The following SEPTIN9 variants were observed in gnomAD, a reference collection of about 807,000 sequenced individuals.
The protein encoded by SEPTIN9 is septin 9, also known as septin-9.
SEPTIN9 carries 13 observed loss-of-function variants against 56.6 expected under a neutral mutation model. The ratio of observed to expected loss-of-function variants is 0.23; its 90% confidence interval spans 0.15 to 0.37. The LOEUF (loss-of-function observed/expected upper bound fraction) is 0.37. SEPTIN9 is among the 10% of genes least tolerant of loss of function. SEPTIN9 has a pLI of 1.00. For synonymous variants in SEPTIN9, 332 were observed against 334.1 expected (o/e 0.99, Z 0.07); for missense variants, 650 against 823.1 (o/e 0.79, Z 2.57).
At position 77,317,325 on chromosome 17, in the gene SEPTIN9, G is replaced by C. The variant is rs61589480; in HGVS notation, c.76+10128G>C. Among the ~76,000 whole-genome samples the C allele has an allele frequency of 0.048, 7,371 of 152,252 alleles. 595 individuals are homozygous for C. Among genetic ancestry groups the C allele is most frequent in the African/African-American group, 0.16 (6,836 of 41,520 alleles). ...GTTCCCAGCCCCGTGTGTCCTATTA[G>C]GAACTGGCCTGCACAGCAGGAGGTG... is the stretch of plus-strand genomic sequence containing the variant. On this transcript the variant is annotated intron_variant, in intron 2 of 11. Transcript: ENST00000427177. The surrounding 1 kb of genome is among the most constrained non-coding windows in gnomAD (Gnocchi z 4.2).
At chr17:77,303,268 T>G (rs978632873) in intron 1 of SEPTIN9, among the ~76,000 whole-genome samples, 1 of 151,414 alleles carries the variant, frequency 6.6e-6, no homozygotes, top group South Asian at 2.1e-4. Context: ...GCCCGGCTAA[T>G]TTTTGTATTT....
At chr17:77,484,971 G>T (rs1320995602) in intron 4 of SEPTIN9, among the ~76,000 whole-genome samples, 2 of 104,530 alleles carry the variant, frequency 1.9e-5, no homozygotes, top group Non-Finnish European at 3.8e-5. Flanking sequence ...GTGGTGAAGG[G>T]GGTGATGGTG....
chr17:77,317,277 C>T lies in SEPTIN9; in HGVS notation c.76+10080C>T, dbSNP rs1277559419. 6.6e-6 allele frequency among the ~76,000 whole-genome samples: 1 copy of T among 152,150 alleles called. No homozygotes were observed. Among genetic ancestry groups the T allele is most frequent in the Non-Finnish European group, 1.5e-5 (1 of 68,022 alleles). On this transcript the variant is annotated intron_variant, in intron 2 of 11. Transcript: ENST00000427177. This position sits in a 1 kb window ranked among gnomAD's most constrained non-coding sequence, Gnocchi z 4.2. ...AATCAGGGTGTCCACTGGGCATAGC[C>T]CTCTGGAGGCTCTAGGGCAGGGGTT... is the stretch of plus-strand genomic sequence containing the variant.
intron 3 of SEPTIN9, among the ~76,000 whole-genome samples, chr17:77,452,845 A>G (rs2038036582): frequency 6.6e-6 from 1 of 150,558 alleles, no homozygotes; most frequent in South Asian, 2.1e-4. Context: ...TTTTCAGGAA[A>G]AGGAAGAAGG....
chr17:77,395,820 G>T (rs1007083073), intron 2 of SEPTIN9, among the ~76,000 whole-genome samples: 2 of 152,202 alleles, frequency 1.3e-5, no homozygotes, highest in African/African-American at 4.8e-5. Context: ...TTTAATGATG[G>T]TGCAGGCCTT....
rs145928655 is a variant in SEPTIN9, at chr17:77,453,327, C to T, written c.722-28817C>T. ...CCATGTCAAAAATGGCCTTGTTGGC[C>T]GGGCGCAGTGGCTCATGCCTGTAAT... On this transcript the variant is annotated intron_variant, in intron 3 of 11. Transcript: ENST00000427177. The surrounding 1 kb of genome is among the most constrained non-coding windows in gnomAD (Gnocchi z 4.4). 7.2e-3 allele frequency among the ~76,000 whole-genome samples: 1,103 copies of T among 152,220 alleles called. 9 individuals carry two copies. Among genetic ancestry groups the T allele is most frequent in the South Asian group, 0.03 (146 of 4,830 alleles).
At chr17:77,357,001 C>T (rs894220885) in intron 2 of SEPTIN9, among the ~76,000 whole-genome samples, 15 of 151,788 alleles carry the variant, frequency 9.9e-5, no homozygotes, top group Admixed American at 5.2e-4. Context: ...AGGAAGCTGT[C>T]GGCCAGACGT....
At chr17:77,294,487 A>C in intron 1 of SEPTIN9, 1 of 166,814 alleles carries the variant, frequency 6.0e-6, no homozygotes. Flanking sequence ...TATTTTTGGT[A>C]GTTGGGATGT....
chr17:77,290,115 C>T (rs913866595), intron 1 of SEPTIN9, among the ~76,000 whole-genome samples: 2 of 152,050 alleles, frequency 1.3e-5, no homozygotes, highest in Non-Finnish European at 2.9e-5. Flanking sequence ...CTGGTGTGGA[C>T]GCTCCTCCTT....
chr17:77,325,415 A>G (rs1046048109), intron 2 of SEPTIN9, among the ~76,000 whole-genome samples: 22 of 151,826 alleles, frequency 1.4e-4, no homozygotes, highest in Admixed American at 8.5e-4. Context: ...GGCGGGGAGG[A>G]GTGGGGAAGT....
chr17:77,289,627 C>G (rs1054562907), intron 1 of SEPTIN9, among the ~76,000 whole-genome samples: 2 of 152,002 alleles, frequency 1.3e-5, no homozygotes, highest in African/African-American at 2.4e-5. Flanking sequence ...AGGCTGGTCT[C>G]GAACTCCCGA....
At chr17:77,494,872 C>G (rs1252798457) in intron 10 of SEPTIN9, among the ~76,000 whole-genome samples, 1 of 152,234 alleles carries the variant, frequency 6.6e-6, no homozygotes, top group Admixed American at 6.5e-5. Context: ...CCTACCACCA[C>G]CCCTGCCGGG....
At chr17:77,321,486 G>A (rs1162249281) in intron 2 of SEPTIN9, among the ~76,000 whole-genome samples, 1 of 150,852 alleles carries the variant, frequency 6.6e-6, no homozygotes, top group East Asian at 2.0e-4. Flanking sequence ...TGCAAGCTCC[G>A]CCTCCCTAGT....
At chr17:77,379,619 A>T (rs967395862) in intron 2 of SEPTIN9, among the ~76,000 whole-genome samples, 2 of 151,986 alleles carry the variant, frequency 1.3e-5, no homozygotes, top group East Asian at 1.9e-4. Context: ...GGGAGGTCAC[A>T]CTCAGGGATG....
chr17:77,292,436 G>A (rs971795985), intron 1 of SEPTIN9, among the ~76,000 whole-genome samples: 2 of 151,994 alleles, frequency 1.3e-5, no homozygotes, highest in Admixed American at 1.3e-4. Flanking sequence ...GCCTTTTCCC[G>A]CATCCTGGGG....
chr17:77,423,911 G>A lies in SEPTIN9; in HGVS notation c.721+21208G>A, dbSNP rs549677312. 2.6e-5 allele frequency among the ~76,000 whole-genome samples: 4 copies of A among 152,132 alleles called. No homozygotes were observed. The East Asian group carries it at 7.8e-4, about 30-fold the overall frequency. On this transcript the variant is annotated intron_variant, in intron 3 of 11. Transcript: ENST00000427177. ...GGTGCCAGCGATGAGCTCATCTGGA[G>A]GGTGGCCGCCCGCCCTGAGCCCTGC...
At chr17:77,388,809 GCTTT>G (rs1324346466) in intron 2 of SEPTIN9, among the ~76,000 whole-genome samples, 34 of 74,044 alleles carry the variant, frequency 4.6e-4, no homozygotes, top group African/African-American at 2.5e-3. Flanking sequence ...GGTGTTAGGC[GCTTT>G]TTTTTTTTTT....
chr17:77,489,891 G>A (rs1015009273), intron 7 of SEPTIN9, among the ~76,000 whole-genome samples: 31 of 152,196 alleles, frequency 2.0e-4, no homozygotes, highest in Non-Finnish European at 1.2e-4. Context: ...CGGTCCTGTG[G>A]CAGCTGTTCC....
At chr17:77,372,750 CAGG>C (rs2034760941) in intron 2 of SEPTIN9, among the ~76,000 whole-genome samples, 1 of 151,634 alleles carries the variant, frequency 6.6e-6, no homozygotes, top group African/African-American at 2.4e-5. Flanking sequence ...GTGTTAGCTG[CAGG>C]GGTGCCCTCG....
Sources: gnomAD v4.1 joint callset for allele counts (sites outside exome capture counted in the v4.1 genomes callset) on GRCh38, gnomAD v4.1.1 for gene constraint, Gnocchi (gnomAD v3.1) non-coding constraint, MANE v1.5 for transcripts, NCBI Gene and HGNC (gene_info 2026-07-23, HGNC 2026-07-21) for gene names.